Variants in NFATC2 observed in about 807,000 individuals in gnomAD.
NFATC2 encodes nuclear factor of activated T-cells, cytoplasmic 2.
A neutral mutation model predicts 87.3 loss-of-function variants in NFATC2; 22 were observed. That is an observed-to-expected ratio of 0.25 (90% CI 0.18 to 0.36). NFATC2 has a LOEUF of 0.36. Among genes scored for constraint, NFATC2 ranks in the 10% least tolerant of loss-of-function variants. The pLI is 1.00. For synonymous variants in NFATC2, 565 were observed against 542.2 expected (o/e 1.04, Z -0.58); for missense variants, 1,149 against 1,259.1 (o/e 0.91, Z 1.32).
intron 1 of NFATC2, among the ~76,000 whole-genome samples, chr20:51,541,471 T>C (rs1028793698): frequency 1.3e-5 from 2 of 152,168 alleles, no homozygotes; most frequent in African/African-American, 4.8e-5. Context: ...CTCTAACGAA[T>C]GCTCCTGTTA....
At chr20:51,512,920 A>T (rs1041979627) in intron 3 of NFATC2, among the ~76,000 whole-genome samples, 3 of 152,182 alleles carry the variant, frequency 2.0e-5, no homozygotes, top group Admixed American at 6.5e-5. Context: ...TGGATATGAA[A>T]GGGGCAGTGC....
rs55799521 is a variant in NFATC2 at position 51,475,517 on chromosome 20, T to C, written c.1476A>G (p.Ile492Met). The change falls in exon 4 of 11, where the codon ATA becomes ATG. Residue 492 changes from isoleucine to methionine, a missense_variant. Ile to Met is a conservative substitution (Grantham distance 10). Around this residue, in one of 3 missense-constraint regions of NFATC2, gnomAD observed 581 missense variants for 649.7 expected, o/e 0.89. Transcript: ENST00000371564. The stretch of plus-strand genomic sequence containing the variant: ...TCTCCAGGACTTTGGTGTTGCCCAC[T>C]ATCTTCTCATAGCTGGTGGTGGTGA... ...KTVTTTSYEKIVGNTKVLEIP... is the reference protein window; with the variant it reads ...KTVTTTSYEKMVGNTKVLEIP... The C allele has an allele frequency of 3.3e-5, 54 of 1,614,154 alleles. No individual in the cohort carries two copies. The East Asian group carries it at 1.1e-3, about 33-fold the overall frequency.
chr20:51,553,703 C>T lies in NFATC2; in HGVS notation c.70+8857G>A, dbSNP rs747258065. 1.2e-3 allele frequency among the ~76,000 whole-genome samples: 175 copies of T among 148,602 alleles called. 1 individual carries two copies. Among genetic ancestry groups the T allele is most frequent in the African/African-American group, 3.9e-3 (160 of 40,610 alleles). The stretch of plus-strand genomic sequence containing the variant: ...AAAAAAAAAAAAAAAAGAGGGAGGG[C>T]AGGCTCAGTAAACCTGCCTCCCCCT... On this transcript the variant is annotated intron_variant, in intron 1 of 10. Transcript: ENST00000414705.
Position 51,473,965 on chromosome 20 carries a change from C to G in NFATC2, c.1708+15G>C. The G allele has an allele frequency of 6.2e-7, 1 of 1,608,916 alleles. No homozygotes were observed. Among genetic ancestry groups the G allele is most frequent in the Non-Finnish European group, 8.5e-7 (1 of 1,175,986 alleles). On this transcript the variant is annotated intron_variant, in intron 5 of 10. Transcript: ENST00000371564. ...CGCTTTCTGAAGAAAGACCGGGCCC[C>G]AGGGCCCAACTTACAGCACTCGATG...
At chr20:51,447,402 G>T (rs572667744) in intron 6 of NFATC2, among the ~76,000 whole-genome samples, 1 of 152,330 alleles carries the variant, frequency 6.6e-6, no homozygotes, top group South Asian at 2.1e-4. Flanking sequence ...GCCCCCGCAG[G>T]ACACACAGAG....
intron 1 of NFATC2, among the ~76,000 whole-genome samples, chr20:51,539,011 G>T (rs927108197): frequency 3.9e-5 from 6 of 152,146 alleles, no homozygotes; most frequent in Non-Finnish European, 8.8e-5. Flanking sequence ...GAGCAACACT[G>T]CCCATTTTGG....
intron 2 of NFATC2, among the ~76,000 whole-genome samples, chr20:51,522,456 T>C (rs1450824423): frequency 6.6e-6 from 1 of 151,994 alleles, no homozygotes; most frequent in Non-Finnish European, 1.5e-5. Flanking sequence ...AGGTAGTGAG[T>C]GGCGGAGGCA....
upstream of NFATC2, among the ~76,000 whole-genome samples, chr20:51,544,223 G>C (rs1427936139): frequency 6.6e-6 from 1 of 151,730 alleles, no homozygotes; most frequent in Non-Finnish European, 1.5e-5. Flanking sequence ...TCCTGACCTC[G>C]TGATCCACCC....
chr20:51,408,611 G>T (rs967499050), intron 9 of NFATC2, among the ~76,000 whole-genome samples: 1 of 151,656 alleles, frequency 6.6e-6, no homozygotes, highest in Admixed American at 6.6e-5. Context: ...TGAATAGATG[G>T]TTGGTGATAA....
chr20:51,401,995 T>C (rs1158321223), intron 9 of NFATC2, among the ~76,000 whole-genome samples: 1 of 152,176 alleles, frequency 6.6e-6, no homozygotes, highest in African/African-American at 2.4e-5. Context: ...CCTGCGTGCA[T>C]CTCCGTGGTG....
At position 51,388,272 on chromosome 20, in the gene NFATC2, G is replaced by A. The variant is rs1293625433; in HGVS notation, c.*3224C>T. On this transcript the variant is annotated 3_prime_UTR_variant, in exon 11 of 11. Coordinates refer to ENST00000371564, the MANE Select transcript of NFATC2 (RefSeq NM_012340.5). ...CACCTACTAAATTAGTTATTTTGGG[G>A]GGAGGATCTAGACACTTGATGATTC... 1 of 152,138 alleles carries A rather than the reference G, an allele frequency of 6.6e-6. No individual in the cohort carries two copies. The highest frequency in any genetic ancestry group is 2.4e-5 in the African/African-American group (1 of 41,416). The allele number at this position is 152,138 out of a possible 1,614,324, so 9.4% of individuals were successfully genotyped here.
intron 6 of NFATC2, among the ~76,000 whole-genome samples, chr20:51,437,519 T>C (rs2146359873): frequency 6.6e-6 from 1 of 152,342 alleles, no homozygotes; most frequent in South Asian, 2.1e-4. Context: ...GTCTTGGCTC[T>C]TAAGATTCAC....
chr20:51,500,293 A>T (rs546484673), intron 3 of NFATC2, among the ~76,000 whole-genome samples: 1 of 151,920 alleles, frequency 6.6e-6, no homozygotes, highest in Non-Finnish European at 1.5e-5. Flanking sequence ...TTATCCCCAA[A>T]CTCTTTAAAA....
At chr20:51,409,686 CT>C (rs1978894338) in intron 9 of NFATC2, among the ~76,000 whole-genome samples, 1 of 152,178 alleles carries the variant, frequency 6.6e-6, no homozygotes, top group African/African-American at 2.4e-5. Context: ...TGACTGACAA[CT>C]TACAGGAAAT....
chr20:51,518,473 A>G (rs2076389844), intron 2 of NFATC2, among the ~76,000 whole-genome samples: 1 of 152,074 alleles, frequency 6.6e-6, no homozygotes, highest in Non-Finnish European at 1.5e-5. Context: ...ACTTATAATC[A>G]TATCCTCCCT....
intron 9 of NFATC2, among the ~76,000 whole-genome samples, chr20:51,416,256 T>C (rs908297219): frequency 1.3e-5 from 2 of 151,454 alleles, no homozygotes; most frequent in Admixed American, 1.3e-4. Flanking sequence ...AGAGTGAGAC[T>C]CTGTCTCAAA....
Position 51,524,573 on chromosome 20 carries a change from C to T in NFATC2, c.131-463G>A, listed in dbSNP as rs748335447. Among the ~76,000 whole-genome samples the T allele has an allele frequency of 3.3e-5, 5 of 152,082 alleles. No individual in the cohort carries two copies. The highest frequency in any genetic ancestry group is 7.3e-5 in the Non-Finnish European group (5 of 68,032). On this transcript the variant is annotated intron_variant, in intron 1 of 10. Coordinates refer to ENST00000371564, the MANE Select transcript of NFATC2 (RefSeq NM_012340.5). This position sits in a 1 kb window ranked among gnomAD's most constrained non-coding sequence, Gnocchi z 4.0. The stretch of plus-strand genomic sequence containing the variant: ...CCCCTAACCCGTCTGCGCGGTAGGT[C>T]ATGACCCCTAGTTTGAAAAGCACCT...
chr20:51,476,523 C>A (rs1988731222), intron 3 of NFATC2, among the ~76,000 whole-genome samples: 1 of 152,124 alleles, frequency 6.6e-6, no homozygotes, highest in Non-Finnish European at 1.5e-5. Flanking sequence ...CAATGGCTTT[C>A]CCTATCTCTC....
intron 3 of NFATC2, among the ~76,000 whole-genome samples, chr20:51,505,973 C>T (rs1179317785): frequency 6.6e-6 from 1 of 152,180 alleles, no homozygotes; most frequent in African/African-American, 2.4e-5. Context: ...ATCTTGAGCT[C>T]TCATCGCAGG....
Sources: allele counts gnomAD v4.1 joint callset (sites outside exome capture counted in the v4.1 genomes callset), GRCh38; gene constraint gnomAD v4.1.1; regional missense constraint gnomAD v4.1.1; non-coding constraint Gnocchi (gnomAD v3.1); transcripts MANE v1.5; gene names NCBI Gene and HGNC (gene_info 2026-07-23, HGNC 2026-07-21).